The following ZFTRAF1 variants were observed in gnomAD, a reference collection of about 807,000 sequenced individuals.
ZFTRAF1 encodes the protein zinc finger TRAF-type and ring finger containing 1, also known as zinc finger TRAF-type-containing protein 1.
At chr8:144,450,905 T>C in the ZFTRAF1 span, 1 of 597,314 alleles carries the variant, frequency 1.7e-6, no homozygotes, top group Middle Eastern at 4.5e-4. Context: ...GGGCTCTGCT[T>C]GTCACAAGCA....
At chr8:144,460,342 G>A in the ZFTRAF1 span, among the ~76,000 whole-genome samples, 3 of 152,354 alleles carry the variant, frequency 2.0e-5, no homozygotes, top group South Asian at 2.1e-4. Context: ...AGTGCAGGCC[G>A]GTTTGAACCA....
At chr8:144,457,167 CAG>C in the ZFTRAF1 span, 9 of 149,832 alleles carry the variant, frequency 6.0e-5, no homozygotes, top group South Asian at 8.5e-4. Flanking sequence ...TATGACATCA[CAG>C]GGGAATGATG....
chr8:144,450,784 C>A, the ZFTRAF1 span: 1 of 686,316 alleles, frequency 1.5e-6, no homozygotes, highest in Non-Finnish European at 2.8e-6. Flanking sequence ...TGGAGACAGA[C>A]AGGGCCGGAA....
the ZFTRAF1 span, among the ~76,000 whole-genome samples, chr8:144,461,833 G>A: frequency 4.6e-5 from 7 of 152,274 alleles, no homozygotes; most frequent in East Asian, 1.4e-3. Context: ...TCGGGGGTGT[G>A]GCTGCCGGAA....
At chr8:144,457,179 G>GTCATGGGGGAATGACA in the ZFTRAF1 span, 1 of 149,116 alleles carries the variant, frequency 6.7e-6, no homozygotes, top group African/African-American at 2.5e-5. Context: ...GGGGAATGAT[G>GTCATGGGGGAATGACA]TCATGGGGGA....
the ZFTRAF1 span, chr8:144,453,531 C>G: frequency 1.5e-6 from 2 of 1,369,774 alleles, no homozygotes; most frequent in Non-Finnish European, 1.0e-6. Context: ...CGCCCATGCC[C>G]ATCAGCTCCA....
the ZFTRAF1 span, chr8:144,455,482 G>A: frequency 6.6e-6 from 1 of 152,202 alleles, no homozygotes; most frequent in African/African-American, 2.4e-5. Context: ...CAGGCAGGAG[G>A]GGGCACAGAT....
chr8:144,450,220 G>A, the ZFTRAF1 span: 337 of 596,504 alleles, frequency 5.6e-4, 2 homozygotes, highest in East Asian at 7.7e-3. Context: ...CGGGGGCCCC[G>A]TCGCGCACGC....
chr8:144,450,169 C>A, the ZFTRAF1 span: 1 of 553,232 alleles, frequency 1.8e-6, no homozygotes, highest in African/African-American at 1.9e-5. Flanking sequence ...TGGCGGCCCT[C>A]GGAAGGAGGG....
chr8:144,453,777 G>A, the ZFTRAF1 span: 1 of 303,400 alleles, frequency 3.3e-6, no homozygotes. Context: ...TTTTCCCTTA[G>A]GGACCAGCGA....
the ZFTRAF1 span, among the ~76,000 whole-genome samples, chr8:144,461,712 T>C: frequency 1.3e-5 from 2 of 152,188 alleles, no homozygotes; most frequent in Non-Finnish European, 2.9e-5. Flanking sequence ...CAATCCCCTC[T>C]CCTTACTGTT....
At chr8:144,450,613 G>A in the ZFTRAF1 span, 1 of 718,120 alleles carries the variant, frequency 1.4e-6, no homozygotes, top group Non-Finnish European at 2.6e-6. Flanking sequence ...GGAGGAGCTG[G>A]AAGGAGAGCG....
chr8:144,452,601 T>C, the ZFTRAF1 span: 4 of 1,525,376 alleles, frequency 2.6e-6, no homozygotes, highest in Non-Finnish European at 3.5e-6. Context: ...ACTCACAGAC[T>C]GAGCCCCGAA....
At chr8:144,458,653 C>T in the ZFTRAF1 span, among the ~76,000 whole-genome samples, 5 of 152,200 alleles carry the variant, frequency 3.3e-5, no homozygotes, top group Admixed American at 6.5e-5. Context: ...ATGGGCGCTA[C>T]AGGCGGGAGG....
At chr8:144,460,272 T>A in the ZFTRAF1 span, among the ~76,000 whole-genome samples, 1 of 152,236 alleles carries the variant, frequency 6.6e-6, no homozygotes, top group East Asian at 1.9e-4. Flanking sequence ...GCCTTCGGTC[T>A]CCATTACACC....
At chr8:144,462,090 G>A in the ZFTRAF1 span, among the ~76,000 whole-genome samples, 25 of 152,280 alleles carry the variant, frequency 1.6e-4, no homozygotes, top group Admixed American at 7.8e-4. Context: ...AAAGCCCTGA[G>A]AGAAAGACAA....
the ZFTRAF1 span, chr8:144,450,784 C>T: frequency 1.9e-5 from 13 of 686,200 alleles, no homozygotes; most frequent in Non-Finnish European, 3.6e-5. Context: ...TGGAGACAGA[C>T]AGGGCCGGAA....
the ZFTRAF1 span, among the ~76,000 whole-genome samples, chr8:144,461,631 G>A: frequency 3.3e-5 from 5 of 152,178 alleles, no homozygotes; most frequent in Admixed American, 2.6e-4. Flanking sequence ...GTTGGATGTG[G>A]GGTTTGGCTG....
At chr8:144,453,764 C>T in the ZFTRAF1 span, 16 of 333,000 alleles carry the variant, frequency 4.8e-5, no homozygotes, top group East Asian at 1.2e-4. Context: ...CCGAGGGTCA[C>T]GCTTTTCCCT....
Sources: allele counts gnomAD v4.1 joint callset (sites outside exome capture counted in the v4.1 genomes callset), GRCh38; gene constraint gnomAD v4.1.1; transcripts MANE v1.5; gene names NCBI Gene and HGNC (gene_info 2026-07-23, HGNC 2026-07-21).